The following MINPP1 variants were observed in gnomAD, a reference collection of about 807,000 sequenced individuals.
MINPP1 encodes the protein multiple inositol-polyphosphate phosphatase 1.
Under a neutral mutation model 46.1 loss-of-function variants are expected in MINPP1, and 28 were observed. That is an observed-to-expected ratio of 0.61 (90% CI 0.45 to 0.83). The LOEUF (loss-of-function observed/expected upper bound fraction) is 0.83. Ranked by LOEUF, MINPP1 falls within the 40% of genes least tolerant of loss-of-function variation. MINPP1 has a pLI of 0.00. For synonymous variants in MINPP1, 268 were observed against 249.1 expected, an observed-to-expected ratio of 1.08 and a Z score of -0.72; for missense variants, 603 against 610.0, an observed-to-expected ratio of 0.99 and a Z score of 0.12.
intron 3 of MINPP1, among the ~76,000 whole-genome samples, chr10:87,516,083 C>T (rs1426437598): frequency 2.3e-5 from 2 of 88,082 alleles, no homozygotes; most frequent in Non-Finnish European, 6.1e-5. Context: ...CCCGCCTCAC[C>T]CTCCCAAAGT....
intron 4 of MINPP1, among the ~76,000 whole-genome samples, chr10:87,536,932 G>T (rs530872142): frequency 6.6e-5 from 10 of 151,782 alleles, no homozygotes; most frequent in Non-Finnish European, 1.2e-4. Flanking sequence ...TTAAGTAGGT[G>T]TATTTTTCAC....
At chr10:87,528,944 A>G (rs954881855) in intron 4 of MINPP1, among the ~76,000 whole-genome samples, 1 of 152,108 alleles carries the variant, frequency 6.6e-6, no homozygotes, top group Non-Finnish European at 1.5e-5. Context: ...TGTTGAATTG[A>G]TCCCTCTACC....
chr10:87,512,310 T>C (rs1312028609), intron 2 of MINPP1, among the ~76,000 whole-genome samples: 1 of 152,202 alleles, frequency 6.6e-6, no homozygotes, highest in Non-Finnish European at 1.5e-5. Context: ...TGAAATCCAC[T>C]TCCGAAATCA....
chr10:87,514,811 A>C (rs1851389864), intron 3 of MINPP1, among the ~76,000 whole-genome samples: 1 of 151,874 alleles, frequency 6.6e-6, no homozygotes, highest in Non-Finnish European at 1.5e-5. Context: ...TGCCTCCCGG[A>C]TTCAAGTGAT....
At chr10:87,524,755 A>T (rs1388511977) in intron 4 of MINPP1, among the ~76,000 whole-genome samples, 2 of 152,148 alleles carry the variant, frequency 1.3e-5, no homozygotes, top group South Asian at 4.1e-4. Flanking sequence ...AGGAAAGAGG[A>T]TGGAGAATGG....
intron 2 of MINPP1, among the ~76,000 whole-genome samples, chr10:87,508,824 A>C (rs1352508632): frequency 6.6e-6 from 1 of 152,152 alleles, no homozygotes; most frequent in Admixed American, 6.5e-5. Context: ...ATTATTTTTA[A>C]AACAAATTAT....
At chr10:87,538,535 T>C (rs909517112) in intron 4 of MINPP1, among the ~76,000 whole-genome samples, 3 of 152,246 alleles carry the variant, frequency 2.0e-5, no homozygotes, top group African/African-American at 7.2e-5. Context: ...GGAAACTGTT[T>C]CAGTGTATTT....
intron 4 of MINPP1, among the ~76,000 whole-genome samples, chr10:87,531,916 G>C (rs932415867): frequency 6.6e-6 from 1 of 151,986 alleles, no homozygotes; most frequent in African/African-American, 2.4e-5. Flanking sequence ...CGAACATTTT[G>C]GATAAGGAAT....
chr10:87,526,551 T>G (rs1398871463), intron 4 of MINPP1, among the ~76,000 whole-genome samples: 3 of 152,218 alleles, frequency 2.0e-5, no homozygotes, highest in Non-Finnish European at 4.4e-5. Context: ...TTAGTTTAAT[T>G]AGATCCCATT....
intron 4 of MINPP1, among the ~76,000 whole-genome samples, chr10:87,525,663 G>C (rs964832942): frequency 6.6e-6 from 1 of 152,006 alleles, no homozygotes; most frequent in East Asian, 1.9e-4. Context: ...CGTCATTTAC[G>C]TTAGGTATAT....
intron 4 of MINPP1, among the ~76,000 whole-genome samples, chr10:87,538,322 C>T (rs34749356): frequency 0.043 from 6,529 of 152,208 alleles, 205 homozygotes; most frequent in Non-Finnish European, 0.065. Flanking sequence ...GGCGACTTCC[C>T]GAGCTGTTTG....
At chr10:87,527,157 A>G (rs997220565) in intron 4 of MINPP1, among the ~76,000 whole-genome samples, 4 of 152,098 alleles carry the variant, frequency 2.6e-5, no homozygotes, top group Non-Finnish European at 4.4e-5. Flanking sequence ...TTTTCACTAT[A>G]TTGATTCTTC....
chr10:87,533,980 G>A (rs1315078947), intron 4 of MINPP1, among the ~76,000 whole-genome samples: 1 of 151,634 alleles, frequency 6.6e-6, no homozygotes, highest in African/African-American at 2.4e-5. Context: ...AGTTTAGCCA[G>A]GGGTATCAGG....
In MINPP1 at chr10:87,537,156, C is replaced by T. The variant is rs12359231; in HGVS notation, c.1068-14926C>T. ...TTCATCATGTTGGCCAGACTGGTCT[C>T]GAACTCCTGACCTCAGATAATCCAC... is the stretch of plus-strand genomic sequence containing the variant. On this transcript the variant is annotated intron_variant, in intron 4 of 4. Coordinates refer to ENST00000371996, the MANE Select transcript of MINPP1 (RefSeq NM_004897.5). Among the ~76,000 whole-genome samples, 1,221 of 152,168 alleles carry T rather than the reference C, an allele frequency of 8.0e-3. 9 individuals carry two copies. Among genetic ancestry groups the T allele is most frequent in the Non-Finnish European group, 0.012 (839 of 67,998 alleles).
chr10:87,546,125 C>G (rs1851883038), intron 4 of MINPP1, among the ~76,000 whole-genome samples: 1 of 152,172 alleles, frequency 6.6e-6, no homozygotes. Context: ...TGCTGGTTGG[C>G]TATTTTTTAT....
chr10:87,523,729 G>A (rs890763346), intron 4 of MINPP1, among the ~76,000 whole-genome samples: 4 of 152,046 alleles, frequency 2.6e-5, no homozygotes, highest in African/African-American at 7.2e-5. Context: ...TCTATGGGAT[G>A]CAGAATAGAT....
chr10:87,513,900 T>C (rs1258723800), intron 3 of MINPP1, among the ~76,000 whole-genome samples: 1 of 150,862 alleles, frequency 6.6e-6, no homozygotes, highest in African/African-American at 2.5e-5. Context: ...CCGTATTCTT[T>C]CAGGGGGCTT....
intron 4 of MINPP1, among the ~76,000 whole-genome samples, chr10:87,537,212 C>G (rs917579555): frequency 6.6e-6 from 1 of 152,208 alleles, no homozygotes; most frequent in Non-Finnish European, 1.5e-5. Flanking sequence ...GCTGGGATTA[C>G]AGGCATGAGC....
At chr10:87,532,742 A>C (rs1851677223) in intron 4 of MINPP1, among the ~76,000 whole-genome samples, 1 of 152,258 alleles carries the variant, frequency 6.6e-6, no homozygotes, top group Non-Finnish European at 1.5e-5. Context: ...ACTTCTAAAG[A>C]AAATCAATAT....
Sources: allele counts gnomAD v4.1 joint callset (sites outside exome capture counted in the v4.1 genomes callset), GRCh38; gene constraint gnomAD v4.1.1; transcripts MANE v1.5; gene names NCBI Gene and HGNC (gene_info 2026-07-23, HGNC 2026-07-21).